AGBL4: variants seen among roughly 807,000 people sequenced by gnomAD.
The protein encoded by AGBL4 is cytosolic carboxypeptidase 6.
A neutral mutation model predicts 66.4 loss-of-function variants in AGBL4; 58 were observed. That is an observed-to-expected ratio of 0.87 (90% CI 0.71 to 1.09). The LOEUF (loss-of-function observed/expected upper bound fraction) is 1.09. Among genes scored for constraint, AGBL4 ranks in the 50% least tolerant of loss-of-function variants. The pLI is 0.00. For missense variants in AGBL4, 579 were observed against 631.0 expected (o/e 0.92, Z 0.88); for synonymous variants, 234 against 222.9 (o/e 1.05, Z -0.44).
At chr1:48,773,878 TATA>T (rs1644953090) in intron 6 of AGBL4, among the ~76,000 whole-genome samples, 1 of 152,234 alleles carries the variant, frequency 6.6e-6, no homozygotes, top group African/African-American at 2.4e-5. Context: ...TGTGTAGGCA[TATA>T]GCAAGACTAT....
chr1:48,593,993 A>C (rs946214040), intron 9 of AGBL4, among the ~76,000 whole-genome samples: 1 of 152,198 alleles, frequency 6.6e-6, no homozygotes, highest in Non-Finnish European at 1.5e-5. Flanking sequence ...CTGTATAATT[A>C]TCTTTTACTG....
chr1:49,689,421 C>T (rs910418179), intron 3 of AGBL4, among the ~76,000 whole-genome samples: 1 of 151,950 alleles, frequency 6.6e-6, no homozygotes, highest in African/African-American at 2.4e-5. Context: ...TATTCTGTTC[C>T]TTGGTCTATG....
chr1:49,155,763 C>T (rs868320653), intron 4 of AGBL4, among the ~76,000 whole-genome samples: 4 of 152,262 alleles, frequency 2.6e-5, no homozygotes, highest in Middle Eastern at 3.4e-3. Flanking sequence ...GATAAGATAA[C>T]AGTGTTAACA....
chr1:49,607,405 ATAGT>A (rs1192381278), intron 3 of AGBL4, among the ~76,000 whole-genome samples: 2 of 152,162 alleles, frequency 1.3e-5, no homozygotes, highest in Admixed American at 6.5e-5. Flanking sequence ...TTTGATCCAG[ATAGT>A]TAGTTCAGCA....
chr1:49,545,356 A>C (rs1652386736), intron 3 of AGBL4, among the ~76,000 whole-genome samples: 1 of 152,146 alleles, frequency 6.6e-6, no homozygotes, highest in South Asian at 2.1e-4. Context: ...ATCCTACCAA[A>C]AACCATGTGA....
intron 3 of AGBL4, among the ~76,000 whole-genome samples, chr1:49,264,610 A>G (rs1653549215): frequency 1.3e-5 from 2 of 151,818 alleles, no homozygotes; most frequent in Admixed American, 1.3e-4. Flanking sequence ...CAGCGGCGCT[A>G]TCGTGGCTCA....
At chr1:48,966,822 G>A (rs532631488) in intron 5 of AGBL4, among the ~76,000 whole-genome samples, 1 of 152,032 alleles carries the variant, frequency 6.6e-6, no homozygotes, top group East Asian at 1.9e-4. Flanking sequence ...ACAACAGCAT[G>A]CATTTTATTA....
chr1:48,861,676 C>T (rs931370490), intron 6 of AGBL4, among the ~76,000 whole-genome samples: 95 of 152,288 alleles, frequency 6.2e-4, no homozygotes, highest in African/African-American at 2.2e-3. Context: ...AGTGACTTTC[C>T]AGACCTTTTA....
intron 11 of AGBL4, among the ~76,000 whole-genome samples, chr1:48,574,618 T>C (rs1644621065): frequency 2.0e-5 from 3 of 151,400 alleles, no homozygotes; most frequent in South Asian, 4.2e-4. Context: ...CAAAACTGCA[T>C]GGATTGAGAG....
rs553730574 is a variant in AGBL4, at chr1:49,639,199, A to G, written c.282+58114T>C. ...CTAAAAACCTCCAGGCATAACACCA[A>G]TAACATAGATCTAGTCGCAGTGAAG... On this transcript the variant is annotated intron_variant, in intron 3 of 13. Transcript: ENST00000371839. Among the ~76,000 whole-genome samples the G allele has an allele frequency of 1.2e-4, 19 of 152,314 alleles. No homozygotes were observed. In the East Asian group the frequency reaches 3.3e-3, roughly 26 times the overall value.
At chr1:48,994,704 T>A (rs983377929) in intron 5 of AGBL4, among the ~76,000 whole-genome samples, 2 of 152,190 alleles carry the variant, frequency 1.3e-5, no homozygotes, top group African/African-American at 2.4e-5. Flanking sequence ...CTTATGATGT[T>A]GAAATACTTT....
At chr1:49,869,736 G>A (rs761354303) in intron 1 of AGBL4, among the ~76,000 whole-genome samples, 1 of 152,134 alleles carries the variant, frequency 6.6e-6, no homozygotes, top group Non-Finnish European at 1.5e-5. Context: ...ATCTTCACAT[G>A]TATCTTGGAA....
intron 5 of AGBL4, among the ~76,000 whole-genome samples, chr1:49,030,847 GA>G (rs986171501): frequency 2.7e-4 from 38 of 141,596 alleles, no homozygotes; most frequent in African/African-American, 9.4e-4. Flanking sequence ...AGGAAAAAAA[GA>G]AAAAAAATGG....
At chr1:49,917,840 C>T (rs1261843096) in intron 1 of AGBL4, among the ~76,000 whole-genome samples, 1 of 152,176 alleles carries the variant, frequency 6.6e-6, no homozygotes, top group Non-Finnish European at 1.5e-5. Context: ...GGAAGTAAAG[C>T]ACTCCTCAGC....
At chr1:49,360,626 T>C (rs1644116887) in intron 3 of AGBL4, among the ~76,000 whole-genome samples, 1 of 152,204 alleles carries the variant, frequency 6.6e-6, no homozygotes, top group Admixed American at 6.5e-5. Context: ...AACTAATTTC[T>C]AAATGTACTC....
At chr1:49,924,443 A>T (rs933152742) in intron 1 of AGBL4, among the ~76,000 whole-genome samples, 2 of 152,168 alleles carry the variant, frequency 1.3e-5, no homozygotes, top group African/African-American at 4.8e-5. Context: ...TTAAAAGTTT[A>T]AAAAAAGAAT....
chr1:49,535,741 G>C (rs1362379474), intron 3 of AGBL4, among the ~76,000 whole-genome samples: 1 of 152,132 alleles, frequency 6.6e-6, no homozygotes, highest in African/African-American at 2.4e-5. Flanking sequence ...CTCCAGGCTG[G>C]AGTGCCGTGG....
intron 3 of AGBL4, among the ~76,000 whole-genome samples, chr1:49,425,664 A>G (rs1645640354): frequency 6.6e-6 from 1 of 152,214 alleles, no homozygotes; most frequent in African/African-American, 2.4e-5. Context: ...CATATTAATT[A>G]CTTTCAATGT....
intron 11 of AGBL4, among the ~76,000 whole-genome samples, chr1:48,548,882 T>G (rs777306103): frequency 1.3e-5 from 2 of 152,198 alleles, no homozygotes; most frequent in Non-Finnish European, 2.9e-5. Flanking sequence ...TGAAACCCAT[T>G]GATTTATTCT....
Sources: allele counts gnomAD v4.1 joint callset (sites outside exome capture counted in the v4.1 genomes callset), GRCh38; gene constraint gnomAD v4.1.1; transcripts MANE v1.5; gene names NCBI Gene and HGNC (gene_info 2026-07-23, HGNC 2026-07-21).